GRM5: variants seen among roughly 807,000 people sequenced by gnomAD.
GRM5 encodes glutamate metabotropic receptor 5.
GRM5 carries 19 observed loss-of-function variants against 83.1 expected under a neutral mutation model. The observed-to-expected ratio is 0.23, with a 90% confidence interval of 0.16 to 0.34. GRM5 has a LOEUF of 0.34. GRM5 is among the 10% of genes least tolerant of loss of function. The probability of loss-of-function intolerance (pLI) is 1.00; values close to 1 mark genes in which losing one functional copy is unlikely to be tolerated. For synonymous variants in GRM5, 675 were observed against 633.6 expected, an observed-to-expected ratio of 1.07 and a Z score of -0.98; for missense variants, 1,160 against 1,588.3, an observed-to-expected ratio of 0.73 and a Z score of 4.58.
chr11:88,941,822 A>T (rs769125273), intron 2 of GRM5, among the ~76,000 whole-genome samples: 1 of 152,052 alleles, frequency 6.6e-6, no homozygotes, highest in Non-Finnish European at 1.5e-5. Context: ...GACATACAAC[A>T]TCACCAATAG....
At chr11:88,775,875 T>A (rs531133856) in intron 3 of GRM5, among the ~76,000 whole-genome samples, 1 of 150,130 alleles carries the variant, frequency 6.7e-6, no homozygotes, top group South Asian at 2.1e-4. Flanking sequence ...TGGTCAATCT[T>A]AGAATAAGTG....
chr11:88,727,470 G>A (rs1264181095), intron 3 of GRM5, among the ~76,000 whole-genome samples: 1 of 152,032 alleles, frequency 6.6e-6, no homozygotes, highest in African/African-American at 2.4e-5. Flanking sequence ...CAATATTAGA[G>A]AGATCGATGA....
intron 1 of GRM5, among the ~76,000 whole-genome samples, chr11:89,064,894 G>C (rs1367085971): frequency 0.028 from 1,839 of 66,110 alleles, 24 homozygotes; most frequent in Non-Finnish European, 0.042. Context: ...CTCTCTGTGT[G>C]TGTGTGTGTG....
chr11:88,907,446 G>A (rs1945424630), intron 2 of GRM5, among the ~76,000 whole-genome samples: 1 of 152,154 alleles, frequency 6.6e-6, no homozygotes, highest in South Asian at 2.1e-4. Context: ...AAGAGAGAGA[G>A]AATTCTGAAA....
intron 2 of GRM5, among the ~76,000 whole-genome samples, chr11:88,982,005 T>C (rs1473545772): frequency 1.3e-5 from 2 of 152,216 alleles, no homozygotes; most frequent in Non-Finnish European, 2.9e-5. Flanking sequence ...CTATCCTCAA[T>C]TTATTATGAT....
intron 8 of GRM5, among the ~76,000 whole-genome samples, chr11:88,533,666 T>A (rs1201949690): frequency 6.6e-6 from 1 of 152,142 alleles, no homozygotes; most frequent in Admixed American, 6.6e-5. Flanking sequence ...TTGAATGAGG[T>A]ATGCATGAAT....
chr11:89,016,096 T>G (rs1051329737), intron 2 of GRM5, among the ~76,000 whole-genome samples: 1 of 151,924 alleles, frequency 6.6e-6, no homozygotes, highest in African/African-American at 2.4e-5. Flanking sequence ...CAAAAATTTA[T>G]TTTAGTGCTG....
chr11:88,748,525 G>A (rs1473580284), intron 3 of GRM5, among the ~76,000 whole-genome samples: 2 of 152,108 alleles, frequency 1.3e-5, no homozygotes, highest in African/African-American at 4.8e-5. Context: ...GCAGGCTGTG[G>A]AGAACATAAG....
At chr11:88,845,423 C>CTTTTTTTTTTTTTTTTTTTT (rs71046265) in intron 3 of GRM5, among the ~76,000 whole-genome samples, 3 of 92,442 alleles carry the variant, frequency 3.2e-5, no homozygotes, top group African/African-American at 4.5e-5. Flanking sequence ...ATAAACATAA[C>CTTTTTTTTTTTTTTTTTTTT]TTTTTTTTTT....
At chr11:88,894,422 A>G (rs1427071039) in intron 2 of GRM5, among the ~76,000 whole-genome samples, 1 of 151,784 alleles carries the variant, frequency 6.6e-6, no homozygotes, top group Non-Finnish European at 1.5e-5. Flanking sequence ...CGTGTCCTAA[A>G]TTTTCCTGGC....
chr11:88,736,519 A>G (rs1941917438), intron 3 of GRM5, among the ~76,000 whole-genome samples: 1 of 151,980 alleles, frequency 6.6e-6, no homozygotes, highest in Non-Finnish European at 1.5e-5. Flanking sequence ...TAAAAAGGCT[A>G]TTTTCTCAAC....
At chr11:88,834,435 A>G (rs533367455) in intron 3 of GRM5, among the ~76,000 whole-genome samples, 1 of 152,226 alleles carries the variant, frequency 6.6e-6, no homozygotes, top group Admixed American at 6.5e-5. Flanking sequence ...ATTAGAAAAC[A>G]ATAAAGCTTT....
chr11:88,729,484 A>G (rs1057043152), intron 3 of GRM5, among the ~76,000 whole-genome samples: 2 of 152,210 alleles, frequency 1.3e-5, no homozygotes, highest in Non-Finnish European at 2.9e-5. Context: ...TGCTATCCCC[A>G]TCAGGCTACC....
intron 3 of GRM5, among the ~76,000 whole-genome samples, chr11:88,718,030 A>C (rs969113526): frequency 6.6e-6 from 1 of 151,884 alleles, no homozygotes; most frequent in African/African-American, 2.4e-5. Flanking sequence ...TGACAGGCTC[A>C]TCATAGAAAA....
At chr11:88,761,488 C>T (rs1199260178) in intron 3 of GRM5, among the ~76,000 whole-genome samples, 1 of 152,008 alleles carries the variant, frequency 6.6e-6, no homozygotes, top group Non-Finnish European at 1.5e-5. Flanking sequence ...AGGAATACAG[C>T]TAACCAGGAA....
At chr11:88,642,385 G>A (rs1275539049) in intron 4 of GRM5, among the ~76,000 whole-genome samples, 1 of 152,110 alleles carries the variant, frequency 6.6e-6, no homozygotes, top group Non-Finnish European at 1.5e-5. Flanking sequence ...TCTCTGAAAT[G>A]CCTAAGCGGC....
intron 2 of GRM5, among the ~76,000 whole-genome samples, chr11:89,044,059 C>A (rs775111768): frequency 6.6e-6 from 1 of 152,196 alleles, no homozygotes; most frequent in Non-Finnish European, 1.5e-5. Context: ...ATCTGCCACA[C>A]TGCTAAATGG....
chr11:88,685,313 A>AT (rs1167075574), intron 3 of GRM5, among the ~76,000 whole-genome samples: 2 of 152,138 alleles, frequency 1.3e-5, no homozygotes, highest in East Asian at 3.9e-4. Context: ...GAGAGAGATG[A>AT]TTTAGGGTAT....
intron 2 of GRM5, among the ~76,000 whole-genome samples, chr11:89,043,026 G>A (rs1172733542): frequency 6.6e-6 from 1 of 152,180 alleles, no homozygotes; most frequent in African/African-American, 2.4e-5. Context: ...AGAAAATGAA[G>A]TGTAGCGTGA....
Sources: gnomAD v4.1 joint callset for allele counts (sites outside exome capture counted in the v4.1 genomes callset) on GRCh38, gnomAD v4.1.1 for gene constraint, MANE v1.5 for transcripts, NCBI Gene and HGNC (gene_info 2026-07-23, HGNC 2026-07-21) for gene names.